GPHN: variants seen among roughly 807,000 people sequenced by gnomAD.
GPHN encodes gephyrin.
In GPHN, 17 loss-of-function variants were observed where a neutral mutation model predicts 95.5. The observed-to-expected ratio is 0.18, with a 90% CI of 0.12 to 0.27. GPHN has a LOEUF of 0.27. Among genes scored for constraint, GPHN ranks in the 10% least tolerant of loss-of-function variants. The pLI is 1.00. For synonymous variants in GPHN, 320 were observed against 322.5 expected, an observed-to-expected ratio of 0.99 and a Z score of 0.08; for missense variants, 660 against 978.1, an observed-to-expected ratio of 0.67 and a Z score of 4.34.
chr14:67,459,596 G>A, the GPHN span, among the ~76,000 whole-genome samples: 1 of 152,300 alleles, frequency 6.6e-6, no homozygotes, highest in South Asian at 2.1e-4. Flanking sequence ...CTTACTGGCT[G>A]GACGCAAACA....
the GPHN span, among the ~76,000 whole-genome samples, chr14:67,640,428 G>A: frequency 6.6e-6 from 1 of 152,182 alleles, no homozygotes; most frequent in African/African-American, 2.4e-5. Context: ...ATCTCTTGCG[G>A]TGGCAATTCC....
At chr14:67,728,423 C>T in the GPHN span, among the ~76,000 whole-genome samples, 1 of 152,120 alleles carries the variant, frequency 6.6e-6, no homozygotes, top group African/African-American at 2.4e-5. Flanking sequence ...AAGGAAGGTT[C>T]CTAGCTGAGC....
At chr14:67,588,585 T>C in the GPHN span, 11 of 152,062 alleles carry the variant, frequency 7.2e-5, no homozygotes, top group Non-Finnish European at 1.0e-4. Context: ...GACAGTCTCC[T>C]CTAGACAGGT....
intron 5 of GPHN, among the ~76,000 whole-genome samples, chr14:66,912,631 G>A (rs2065725857): frequency 6.6e-6 from 1 of 152,010 alleles, no homozygotes; most frequent in South Asian, 2.1e-4. Flanking sequence ...TATTATTCCT[G>A]AAATAGTGCT....
chr14:66,754,612 A>G (rs1042678498), intron 2 of GPHN, among the ~76,000 whole-genome samples: 1 of 149,444 alleles, frequency 6.7e-6, no homozygotes, highest in Admixed American at 6.6e-5. Flanking sequence ...AATAAGATCT[A>G]CTTATTTTCT....
At chr14:66,964,091 G>A (rs1156520569) in intron 8 of GPHN, among the ~76,000 whole-genome samples, 1 of 152,018 alleles carries the variant, frequency 6.6e-6, no homozygotes, top group Non-Finnish European at 1.5e-5. Context: ...ATTATGCAAG[G>A]CCTAAAGTAA....
intron 5 of GPHN, among the ~76,000 whole-genome samples, chr14:66,908,152 A>G (rs1218321613): frequency 6.6e-6 from 1 of 152,014 alleles, no homozygotes; most frequent in Non-Finnish European, 1.5e-5. Flanking sequence ...AGTTTTTATT[A>G]CCATTTGGCA....
chr14:66,508,368 C>A lies in GPHN; in HGVS notation c.-160C>A. On this transcript the variant is annotated 5_prime_UTR_variant, in exon 1 of 23. Transcript: ENST00000478722. ...CGGCGCGGCCTCTCCCCCACGCAGG[C>A]CACCGTGCACTCTGTGGCCTCCCCC... 1 of 721,060 alleles carries A rather than the reference C, an allele frequency of 1.4e-6. No homozygotes were observed. The highest frequency in any genetic ancestry group is 2.5e-6 in the Non-Finnish European group (1 of 403,662). The allele number at this position is 721,060 out of a possible 1,614,324, so 44.7% of individuals were successfully genotyped here.
At chr14:67,332,284 T>C in the GPHN span, among the ~76,000 whole-genome samples, 1 of 152,208 alleles carries the variant, frequency 6.6e-6, no homozygotes. Flanking sequence ...TCTATATAGT[T>C]TCCCAAACTC....
At chr14:66,803,632 A>G (rs1358518207) in intron 3 of GPHN, among the ~76,000 whole-genome samples, 1 of 152,158 alleles carries the variant, frequency 6.6e-6, no homozygotes. Context: ...GAATCCAATT[A>G]TACTATATTT....
intron 12 of GPHN, among the ~76,000 whole-genome samples, chr14:67,092,395 T>G (rs536782596): frequency 6.6e-6 from 1 of 152,210 alleles, no homozygotes; most frequent in East Asian, 1.9e-4. Context: ...TCTGGTTCCT[T>G]TCTCCCTGCT....
At chr14:67,728,930 G>A in the GPHN span, among the ~76,000 whole-genome samples, 1 of 152,114 alleles carries the variant, frequency 6.6e-6, no homozygotes, top group Admixed American at 6.5e-5. Context: ...TAAAGCCACA[G>A]TATAAAAACG....
intron 16 of GPHN, among the ~76,000 whole-genome samples, chr14:67,114,745 A>T (rs1468091853): frequency 6.6e-6 from 1 of 152,208 alleles, no homozygotes; most frequent in Non-Finnish European, 1.5e-5. Context: ...GTTAATAGGA[A>T]ACTCTGTTTA....
At chr14:67,633,042 G>T in the GPHN span, among the ~76,000 whole-genome samples, 2 of 151,672 alleles carry the variant, frequency 1.3e-5, no homozygotes, top group Non-Finnish European at 2.9e-5. Flanking sequence ...GGATGGTCTC[G>T]ATCTCCTGAC....
chr14:67,681,674 C>A, the GPHN span, among the ~76,000 whole-genome samples: 1 of 151,948 alleles, frequency 6.6e-6, no homozygotes, highest in South Asian at 2.1e-4. Flanking sequence ...CCCAGCTACT[C>A]GGGAGGCTGA....
At chr14:66,623,336 A>C (rs2063384756) in intron 1 of GPHN, among the ~76,000 whole-genome samples, 3 of 152,130 alleles carry the variant, frequency 2.0e-5, no homozygotes, top group African/African-American at 7.2e-5. Flanking sequence ...TAGGAGTTAC[A>C]ATTGAGGATG....
At chr14:67,154,623 A>G (rs2081476816) in intron 18 of GPHN, among the ~76,000 whole-genome samples, 1 of 151,994 alleles carries the variant, frequency 6.6e-6, no homozygotes, top group African/African-American at 2.4e-5. Context: ...ATATATATAG[A>G]TATATATAAA....
intron 8 of GPHN, among the ~76,000 whole-genome samples, chr14:66,937,214 G>A (rs1054176672): frequency 1.3e-5 from 2 of 152,014 alleles, no homozygotes; most frequent in Admixed American, 6.6e-5. Context: ...ATGTTGCCCA[G>A]GCTAGTCTCA....
At chr14:67,067,943 G>A (rs376899305) in intron 11 of GPHN, among the ~76,000 whole-genome samples, 51 of 152,252 alleles carry the variant, frequency 3.3e-4, no homozygotes, top group African/African-American at 1.1e-3. Flanking sequence ...GCTTCGACTC[G>A]CCCTCCATGG....
Sources: gnomAD v4.1 joint callset for allele counts (sites outside exome capture counted in the v4.1 genomes callset) on GRCh38, gnomAD v4.1.1 for gene constraint, MANE v1.5 for transcripts, NCBI Gene and HGNC (gene_info 2026-07-23, HGNC 2026-07-21) for gene names.